HIC1: variants seen among roughly 807,000 people sequenced by gnomAD.
The protein encoded by HIC1 is HIC ZBTB transcriptional repressor 1, also known as hypermethylated in cancer 1 protein.
A neutral mutation model predicts 26.4 loss-of-function variants in HIC1; 9 were observed. That is an observed-to-expected ratio of 0.34 (90% CI 0.21 to 0.59). HIC1 has a LOEUF of 0.59. Among genes scored for constraint, HIC1 ranks in the 20% least tolerant of loss-of-function variants. HIC1 has a pLI of 0.82. For synonymous variants in HIC1, 631 were observed against 523.1 expected (o/e 1.21, Z -2.81); for missense variants, 965 against 1,075.7 (o/e 0.90, Z 1.44).
chr17:2,058,853 C>T lies in HIC1; in HGVS notation c.*18C>T, dbSNP rs781489763. On this transcript the variant is annotated 3_prime_UTR_variant, in exon 2 of 2. Transcript: ENST00000619757. ...CCACCTAGAGCGCCCCTCGCCAGCC[C>T]GCTCTGTCGCTGCTGCGCGGCCCTG... is the stretch of plus-strand genomic sequence containing the variant. 1.5e-4 allele frequency: 214 copies of T among 1,417,728 alleles called. No homozygotes were observed. The highest frequency in any genetic ancestry group is 1.8e-4 in the Non-Finnish European group (199 of 1,089,866). The allele number at this position is 1,417,728 out of a possible 1,614,324, so 87.8% of individuals were successfully genotyped here.
rs2067686124 is a variant in HIC1, at chr17:2,057,685, C to T, written c.995C>T (p.Ser332Phe). The T allele has an allele frequency of 8.7e-6, 13 of 1,492,554 alleles. No individual in the cohort carries two copies. Among genetic ancestry groups the T allele is most frequent in the Non-Finnish European group, 9.8e-6 (11 of 1,127,994 alleles). 92.5% of individuals were successfully genotyped at this position (1,492,554 alleles called of 1,614,324 possible). A position where few individuals can be genotyped will look rare whatever the true frequency, so the allele number is the denominator to read the frequency against. ...GACGAGCTGGGCCGGGAGCGCGGCT[C>T]CCCCAGCGAGCGCTGCGAAGAGCGT... The part of the protein sequence containing the change: ...YGDELGRERG[S>F]PSERCEERGG... Residue 332 changes from serine to phenylalanine, a missense_variant, in exon 2 of 2, where the codon TCC becomes TTC. Ser to Phe is a radical substitution (Grantham distance 155). Coordinates refer to ENST00000619757, the MANE Select transcript of HIC1 (RefSeq NM_006497.4).
chr17:2,056,417 G>T lies in HIC1; in HGVS notation c.-20-254G>T, dbSNP rs574913308. On this transcript the variant is annotated intron_variant, in intron 1 of 1. Coordinates refer to ENST00000619757, the MANE Select transcript of HIC1 (RefSeq NM_006497.4). Reference sequence around the variant, plus strand: ...CGGAAGCCCCAGCACCCAGCCAGGTGCCCTGGGGCGTGCAGGCCGCCCTGG... The same window carrying T: ...CGGAAGCCCCAGCACCCAGCCAGGTTCCCTGGGGCGTGCAGGCCGCCCTGG... 13 of 1,519,964 alleles carry T rather than the reference G, an allele frequency of 8.6e-6. No individual in the cohort carries two copies. In the South Asian group the frequency reaches 1.2e-4, roughly 14 times the overall value. The allele number at this position is 1,519,964 out of a possible 1,614,324, so 94.2% of individuals were successfully genotyped here.
At chr17:2,056,038 C>T (rs2151368014) in intron 1 of HIC1, among the ~76,000 whole-genome samples, 1 of 145,888 alleles carries the variant, frequency 6.9e-6, no homozygotes, top group South Asian at 2.2e-4. Flanking sequence ...TGCTTCCTGC[C>T]TCAGCCTCCT....
In HIC1 at chr17:2,062,154, G is replaced by C. The variant is rs185556987; in HGVS notation, c.*3319G>C. 6.5e-6 allele frequency: 1 copy of C among 154,042 alleles called. No individual in the cohort carries two copies. Among genetic ancestry groups the C allele is most frequent in the East Asian group, 1.9e-4 (1 of 5,208 alleles). The allele number at this position is 154,042 out of a possible 1,614,324, so 9.5% of individuals were successfully genotyped here. ...TTAAGGGAGCCCTGAGGAGAGGAGA[G>C]GGTAAGGGTCTTGGCAGAATTGTGC... On this transcript the variant is annotated 3_prime_UTR_variant, in exon 2 of 2. Coordinates refer to ENST00000619757, the MANE Select transcript of HIC1 (RefSeq NM_006497.4).
At position 2,058,676 on chromosome 17, in the gene HIC1, G is replaced by A; in HGVS notation, c.1986G>A (p.Leu662=). ...AELLAQTTHF[L]HDPKVALESL... ...TGCTGGCGCAGACCACGCACTTCCTGCACGACCCCAAGGTGGCGCTGGAGA... is the reference window on the plus strand; with the variant it reads ...TGCTGGCGCAGACCACGCACTTCCTACACGACCCCAAGGTGGCGCTGGAGA... The change falls in exon 2 of 2, where the codon CTG becomes CTA. Residue 662 remains leucine (L), a synonymous_variant. Coordinates refer to ENST00000619757, the MANE Select transcript of HIC1 (RefSeq NM_006497.4). 1 of 1,558,514 alleles carries A rather than the reference G, an allele frequency of 6.4e-7. No individual in the cohort carries two copies. The highest frequency in any genetic ancestry group is 8.6e-7 in the Non-Finnish European group (1 of 1,157,606).
In HIC1 at chr17:2,058,499, C is replaced by T. The variant is rs1331067528; in HGVS notation, c.1809C>T (p.Ala603=). The T allele has an allele frequency of 2.7e-6, 4 of 1,475,220 alleles. No homozygotes were observed. Among genetic ancestry groups the T allele is most frequent in the Non-Finnish European group, 3.6e-6 (4 of 1,122,446 alleles). 91.4% of individuals were successfully genotyped at this position (1,475,220 alleles called of 1,614,324 possible). A position where few individuals can be genotyped will look rare whatever the true frequency, so the allele number is the denominator to read the frequency against. The change falls in exon 2 of 2, where the codon GCC becomes GCT. Residue 603 remains alanine (A), a synonymous_variant. Coordinates refer to ENST00000619757, the MANE Select transcript of HIC1 (RefSeq NM_006497.4). ...MHAVGGAAGA[A]GALAGLGGLP... is the part of the protein sequence containing the mutation. ...CCGTGGGGGGCGCGGCCGGCGCGGC[C>T]GGGGCGCTGGCGGGCTTGGGGGGGC... is the stretch of plus-strand genomic sequence containing the variant.
At position 2,058,850 on chromosome 17, in the gene HIC1, GC is replaced by G; in HGVS notation, c.*18del. The G allele has an allele frequency of 7.0e-7, 1 of 1,422,956 alleles. No individual in the cohort carries two copies. Among genetic ancestry groups the G allele is most frequent in the South Asian group, 1.5e-5 (1 of 65,830 alleles). 88.1% of individuals were successfully genotyped at this position (1,422,956 alleles called of 1,614,324 possible). A position where few individuals can be genotyped will look rare whatever the true frequency, so the allele number is the denominator to read the frequency against. On this transcript the variant is annotated 3_prime_UTR_variant, in exon 2 of 2. Transcript: ENST00000619757. Reference sequence around the variant, plus strand: ...CTCCCACCTAGAGCGCCCCTCGCCAGCCCGCTCTGTCGCTGCTGCGCGGCCC... The same window carrying G: ...CTCCCACCTAGAGCGCCCCTCGCCAGCCGCTCTGTCGCTGCTGCGCGGCCC...
rs1818230640 is a variant in HIC1 at position 2,062,300 on chromosome 17, T to TGATCCCAGTTCTCCGTCTTG, written c.*3466_*3485dup. The TGATCCCAGTTCTCCGTCTTG allele has an allele frequency of 6.6e-6, 1 of 152,320 alleles. No homozygotes were observed. Among genetic ancestry groups the TGATCCCAGTTCTCCGTCTTG allele is most frequent in the Admixed American group, 6.5e-5 (1 of 15,286 alleles). 9.4% of individuals were successfully genotyped at this position (152,320 alleles called of 1,614,324 possible). A position where few individuals can be genotyped will look rare whatever the true frequency, so the allele number is the denominator to read the frequency against. On this transcript the variant is annotated 3_prime_UTR_variant, in exon 2 of 2. Coordinates refer to ENST00000619757, the MANE Select transcript of HIC1 (RefSeq NM_006497.4). ...AAAAGGAAGAGTAGAGTTAAGATGA[T>TGATCCCAGTTCTCCGTCTTG]GATCCCAGTTCTCCGTCTTGTACCC...
chr17:2,057,870 G>A lies in HIC1; in HGVS notation c.1180G>A (p.Gly394Ser). The A allele has an allele frequency of 6.3e-7, 1 of 1,596,070 alleles. No homozygotes were observed. The highest frequency in any genetic ancestry group is 2.3e-5 in the East Asian group (1 of 44,220). ...TAGCAGCGAGGACCCCAGCCCGCCT[G>A]GCGGCCACCTCGAGGGCTACCCATG... The part of the protein sequence containing the change: ...TGSSEDPSPP[G>S]GHLEGYPCPH... Residue 394 changes from glycine (G) to serine (S), a missense_variant, in exon 2 of 2, where the codon GGC becomes AGC. Physicochemically the swap from Gly to Ser is moderately conservative, Grantham distance 56 (BLOSUM62 0). Transcript: ENST00000619757.
At position 2,060,023 on chromosome 17, in the gene HIC1, G is replaced by A. The variant is rs1567559855; in HGVS notation, c.*1188G>A. 1 of 152,384 alleles carries A rather than the reference G, an allele frequency of 6.6e-6. No individual in the cohort carries two copies. Among genetic ancestry groups the A allele is most frequent in the Non-Finnish European group, 1.5e-5 (1 of 68,260 alleles). 9.4% of individuals were successfully genotyped at this position (152,384 alleles called of 1,614,324 possible). A position where few individuals can be genotyped will look rare whatever the true frequency, so the allele number is the denominator to read the frequency against. On this transcript the variant is annotated 3_prime_UTR_variant, in exon 2 of 2. Coordinates refer to ENST00000619757, the MANE Select transcript of HIC1 (RefSeq NM_006497.4). ...AGCCCAGTCTTCTGAGACTCTAGGG[G>A]ACTCCTACCCCCAAACTACTGGCCT...
chr17:2,061,431 C>T lies in HIC1; in HGVS notation c.*2596C>T. On this transcript the variant is annotated 3_prime_UTR_variant, in exon 2 of 2. Coordinates refer to ENST00000619757, the MANE Select transcript of HIC1 (RefSeq NM_006497.4). ...GCACGTGGGCATCTTCCGTGCTACA[C>T]TGGGCGCCTGGTGGCCTTTCAGGAA... is the stretch of plus-strand genomic sequence containing the variant. The T allele has an allele frequency of 2.0e-6, 3 of 1,500,940 alleles. No individual in the cohort carries two copies. The highest frequency in any genetic ancestry group is 2.7e-6 in the Non-Finnish European group (3 of 1,118,696). The allele number at this position is 1,500,940 out of a possible 1,614,324, so 93.0% of individuals were successfully genotyped here.
chr17:2,057,018 G>A lies in HIC1; in HGVS notation c.328G>A (p.Val110Met). 2 of 1,489,898 alleles carry A rather than the reference G, an allele frequency of 1.3e-6. No individual in the cohort carries two copies. Among genetic ancestry groups the A allele is most frequent in the Admixed American group, 2.5e-5 (1 of 39,262 alleles). The allele number at this position is 1,489,898 out of a possible 1,614,324, so 92.3% of individuals were successfully genotyped here. ...APGAEPSLGA[V>M]LAAASYLQIP... Reference sequence around the variant, plus strand: ...GGGGGCTGAGCCGAGCCTGGGCGCCGTGCTGGCCGCCGCCAGCTACCTGCA... The same window carrying A: ...GGGGGCTGAGCCGAGCCTGGGCGCCATGCTGGCCGCCGCCAGCTACCTGCA... Residue 110 changes from valine to methionine, a missense_variant, in exon 2 of 2, where the codon GTG becomes ATG. Transcript: ENST00000619757.
At position 2,057,770 on chromosome 17, in the gene HIC1, C is replaced by T. The variant is rs773302729; in HGVS notation, c.1080C>T (p.Arg360=). The change falls in exon 2 of 2, where the codon CGC becomes CGT. Residue 360 remains arginine (R), a synonymous_variant. Transcript: ENST00000619757. The stretch of plus-strand genomic sequence containing the variant: ...CGCTCGGCCTGGCGCCGCCGCCGCG[C>T]TACCCTGGCAGCCTGGACGGGCCCG... ...GPPLGLAPPP[R]YPGSLDGPGA... is the part of the protein sequence containing the mutation. The T allele has an allele frequency of 2.0e-5, 30 of 1,464,904 alleles. No individual in the cohort carries two copies. In the South Asian group the frequency reaches 3.9e-4, roughly 19 times the overall value. The allele number at this position is 1,464,904 out of a possible 1,614,324, so 90.7% of individuals were successfully genotyped here. A position where few individuals can be genotyped will look rare whatever the true frequency, so the allele number is the denominator to read the frequency against.
At position 2,061,324 on chromosome 17, in the gene HIC1, G is replaced by A. The variant is rs1260255537; in HGVS notation, c.*2489G>A. 4.5e-6 allele frequency: 3 copies of A among 670,684 alleles called. No homozygotes were observed. Among genetic ancestry groups the A allele is most frequent in the Non-Finnish European group, 7.4e-6 (3 of 406,462 alleles). The allele number at this position is 670,684 out of a possible 1,614,324, so 41.5% of individuals were successfully genotyped here. ...CCGCCCGATCCTTGGGAGGGGCTCT[G>A]TGAGGAGCAGGTCCCCCACAGCATG... On this transcript the variant is annotated 3_prime_UTR_variant, in exon 2 of 2. Coordinates refer to ENST00000619757, the MANE Select transcript of HIC1 (RefSeq NM_006497.4).
In HIC1 at chr17:2,061,108, C is replaced by T. The variant is rs189617011; in HGVS notation, c.*2273C>T. 1 of 193,396 alleles carries T rather than the reference C, an allele frequency of 5.2e-6. No homozygotes were observed. Among genetic ancestry groups the T allele is most frequent in the Admixed American group, 5.4e-5 (1 of 18,534 alleles). 12.0% of individuals were successfully genotyped at this position (193,396 alleles called of 1,614,324 possible). On this transcript the variant is annotated 3_prime_UTR_variant, in exon 2 of 2. Coordinates refer to ENST00000619757, the MANE Select transcript of HIC1 (RefSeq NM_006497.4). ...ACTGCATCTGACGGAAACTCAGAACCCCTGCCCTGTCTCCACTGGAGAAAG... is the reference window on the plus strand; with the variant it reads ...ACTGCATCTGACGGAAACTCAGAACTCCTGCCCTGTCTCCACTGGAGAAAG...
chr17:2,059,755 G>A lies in HIC1; in HGVS notation c.*920G>A, dbSNP rs1036883058. On this transcript the variant is annotated 3_prime_UTR_variant, in exon 2 of 2. Transcript: ENST00000619757. ...GATGGGCTGCGCCCGCTGGGTGGAG[G>A]AGCCAGAAAGGGCCACCCTCACACA... 2.2e-4 allele frequency: 36 copies of A among 167,036 alleles called. No homozygotes were observed. The highest frequency in any genetic ancestry group is 7.5e-4 in the African/African-American group (31 of 41,472). The allele number at this position is 167,036 out of a possible 1,614,324, so 10.3% of individuals were successfully genotyped here. A position where few individuals can be genotyped will look rare whatever the true frequency, so the allele number is the denominator to read the frequency against.
chr17:2,056,372 C>T (rs368176958), intron 1 of HIC1: 5 of 1,607,530 alleles, frequency 3.1e-6, no homozygotes, highest in African/African-American at 2.7e-5. Context: ...AGGGTCACTG[C>T]GCCTGAACAG....
At position 2,058,687 on chromosome 17, in the gene HIC1, A is replaced by C; in HGVS notation, c.1997A>C (p.Lys666Thr). 1 of 1,552,914 alleles carries C rather than the reference A, an allele frequency of 6.4e-7. No individual in the cohort carries two copies. The highest frequency in any genetic ancestry group is 1.2e-5 in the South Asian group (1 of 84,306). The change falls in exon 2 of 2, where the codon AAG becomes ACG. Residue 666 changes from lysine (K) to threonine (T), a missense_variant. This residue lies in a region of HIC1 where 210 missense variants were observed against 179.2 expected (regional missense o/e 1.17). Coordinates refer to ENST00000619757, the MANE Select transcript of HIC1 (RefSeq NM_006497.4). ...AQTTHFLHDP[K>T]VALESLYPLA... ...ACCACGCACTTCCTGCACGACCCCAAGGTGGCGCTGGAGAGCCTCTACCCG... is the reference window on the plus strand; with the variant it reads ...ACCACGCACTTCCTGCACGACCCCACGGTGGCGCTGGAGAGCCTCTACCCG...
chr17:2,056,530 G>C, intron 1 of HIC1, 141 bp from the exon 2 acceptor site: 1 of 1,347,022 alleles, frequency 7.4e-7, no homozygotes, highest in Non-Finnish European at 1.0e-6. Flanking sequence ...AGGGCAGCCG[G>C]TCCTTCGCCG....
Sources: gnomAD v4.1 joint callset for allele counts (sites outside exome capture counted in the v4.1 genomes callset) on GRCh38, gnomAD v4.1.1 for gene constraint, gnomAD v4.1.1 regional missense constraint, MANE v1.5 for transcripts, NCBI Gene and HGNC (gene_info 2026-07-23, HGNC 2026-07-21) for gene names.